PDE4D: variants seen among roughly 807,000 people sequenced by gnomAD.
PDE4D encodes the protein 3',5'-cyclic-AMP phosphodiesterase 4D.
A neutral mutation model predicts 87.4 loss-of-function variants in PDE4D; 24 were observed. The observed-to-expected ratio is 0.27, with a 90% CI of 0.20 to 0.39. PDE4D has a LOEUF of 0.39. Ranked by LOEUF, PDE4D falls within the 10% of genes least tolerant of loss-of-function variation. PDE4D has a pLI of 1.00. For missense variants in PDE4D, 714 were observed against 1,041.0 expected, an observed-to-expected ratio of 0.69 and a Z score of 4.32; for synonymous variants, 384 against 383.2, an observed-to-expected ratio of 1.00 and a Z score of -0.02.
intron 1 of PDE4D, among the ~76,000 whole-genome samples, chr5:60,417,491 T>G (rs1452745582): frequency 2.0e-5 from 3 of 152,220 alleles, no homozygotes; most frequent in Non-Finnish European, 1.5e-5. Flanking sequence ...ACACACTTGT[T>G]TCTCAGAGGA....
intron 1 of PDE4D, among the ~76,000 whole-genome samples, chr5:59,783,551 ACT>A (rs1388743176): frequency 6.6e-6 from 1 of 151,930 alleles, no homozygotes; most frequent in East Asian, 1.9e-4. Context: ...TCATGCTTTC[ACT>A]CTCTTAAACT....
intron 1 of PDE4D, among the ~76,000 whole-genome samples, chr5:59,473,467 T>C (rs1466910006): frequency 6.6e-6 from 1 of 152,138 alleles, no homozygotes; most frequent in Non-Finnish European, 1.5e-5. Flanking sequence ...AGCCACTCCA[T>C]ATAATCCACC....
intron 1 of PDE4D, among the ~76,000 whole-genome samples, chr5:59,892,180 C>T (rs1353497270): frequency 6.6e-6 from 1 of 152,160 alleles, no homozygotes; most frequent in Non-Finnish European, 1.5e-5. Flanking sequence ...CCACATCCAC[C>T]TCCACGCCTG....
intron 1 of PDE4D, among the ~76,000 whole-genome samples, chr5:60,393,879 A>G (rs1431840327): frequency 6.6e-6 from 1 of 152,236 alleles, no homozygotes; most frequent in Non-Finnish European, 1.5e-5. Context: ...ACACTAATTT[A>G]ACTCTCTTAG....
chr5:60,254,695 G>A (rs961880489), intron 1 of PDE4D, among the ~76,000 whole-genome samples: 16 of 151,826 alleles, frequency 1.1e-4, no homozygotes, highest in Admixed American at 3.9e-4. Context: ...TGTTAATAGC[G>A]CAGACTATGT....
intron 2 of PDE4D, among the ~76,000 whole-genome samples, chr5:60,135,630 A>C (rs1779971676): frequency 6.6e-6 from 1 of 152,230 alleles, no homozygotes; most frequent in Non-Finnish European, 1.5e-5. Context: ...ATGCATTTGT[A>C]GAAAGAAGTT....
chr5:59,813,201 T>C (rs1768566412), intron 1 of PDE4D, among the ~76,000 whole-genome samples: 1 of 152,000 alleles, frequency 6.6e-6, no homozygotes, highest in Admixed American at 6.6e-5. Flanking sequence ...AATCAGGGAG[T>C]TTTGGCAAAG....
intron 1 of PDE4D, among the ~76,000 whole-genome samples, chr5:59,554,377 T>C (rs545710649): frequency 3.6e-4 from 55 of 152,152 alleles, no homozygotes; most frequent in Non-Finnish European, 6.9e-4. Flanking sequence ...GGGGAGAAAA[T>C]TGAGGCTTAA....
At position 59,054,628 on chromosome 5, in the gene PDE4D, TATATAGGAAC is replaced by T. The variant is rs548176802; in HGVS notation, c.809-15667_809-15658del. Among the ~76,000 whole-genome samples the T allele has an allele frequency of 3.6e-3, 552 of 152,008 alleles. 1 individual carries two copies. Among genetic ancestry groups the T allele is most frequent in the Admixed American group, 7.3e-3 (111 of 15,268 alleles). On this transcript the variant is annotated intron_variant, in intron 5 of 14. Coordinates refer to ENST00000340635, the MANE Select transcript of PDE4D (RefSeq NM_001104631.2). ...ATATATAAAATAAAAAGGAAATGTA[TATATAGGAAC>T]AGTATATACCATACACATAAGAGTA...
Position 59,056,481 on chromosome 5 carries a change from G to A in PDE4D, c.809-17510C>T, listed in dbSNP as rs139153265. ...AAGTTCTGGGATACATGTGCAGAAC[G>A]TGCAGGTTTATTACATAGGTATACA... On this transcript the variant is annotated intron_variant, in intron 5 of 14. Coordinates refer to ENST00000340635, the MANE Select transcript of PDE4D (RefSeq NM_001104631.2). Among the ~76,000 whole-genome samples, 7 of 152,066 alleles carry A rather than the reference G, an allele frequency of 4.6e-5. No homozygotes were observed. The South Asian group carries it at 1.0e-3, about 23-fold the overall frequency.
In PDE4D at chr5:60,434,888, T is replaced by C. The variant is rs148713309; in HGVS notation, c.-90+53054A>G. On this transcript the variant is annotated intron_variant, in intron 1 of 16. Transcript: ENST00000502484. ...TTGAACCCTGCAAAGAAAATGCTGA[T>C]GGAGATACAGAAATGAAAAAGGGAG... 7.2e-5 allele frequency among the ~76,000 whole-genome samples: 11 copies of C among 152,154 alleles called. No individual in the cohort carries two copies. The East Asian group carries it at 1.5e-3, about 21-fold the overall frequency.
intron 1 of PDE4D, among the ~76,000 whole-genome samples, chr5:59,488,070 G>A (rs1805465123): frequency 6.6e-6 from 1 of 151,000 alleles, no homozygotes. Flanking sequence ...AAGGCTTGGG[G>A]TCTAGGTGCT....
chr5:59,992,141 C>A (rs149541887), intron 2 of PDE4D, among the ~76,000 whole-genome samples: 1 of 152,324 alleles, frequency 6.6e-6, no homozygotes, highest in East Asian at 1.9e-4. Flanking sequence ...AACAGGTGGA[C>A]TCTTGGACCT....
chr5:59,636,178 T>C (rs1310728387), intron 1 of PDE4D, among the ~76,000 whole-genome samples: 1 of 152,260 alleles, frequency 6.6e-6, no homozygotes, highest in Non-Finnish European at 1.5e-5. Flanking sequence ...TTACAAGGGA[T>C]GTGAAGGACC....
chr5:59,613,994 CA>C (rs1322193971), intron 1 of PDE4D, among the ~76,000 whole-genome samples: 5 of 151,818 alleles, frequency 3.3e-5, no homozygotes, highest in Admixed American at 6.6e-5. Flanking sequence ...AATTTTTTTA[CA>C]AAAAAATTTT....
At chr5:59,404,133 C>T (rs1791184285) in intron 1 of PDE4D, among the ~76,000 whole-genome samples, 1 of 152,098 alleles carries the variant, frequency 6.6e-6, no homozygotes. Flanking sequence ...GGTGTTTTGC[C>T]CATTTTTAAT....
intron 2 of PDE4D, among the ~76,000 whole-genome samples, chr5:60,048,427 T>G (rs985279863): frequency 6.6e-6 from 1 of 152,172 alleles, no homozygotes; most frequent in Non-Finnish European, 1.5e-5. Context: ...GCTGGCTATT[T>G]TGCTCGTTAA....
At chr5:59,435,379 C>T (rs540027293) in intron 1 of PDE4D, among the ~76,000 whole-genome samples, 26 of 152,286 alleles carry the variant, frequency 1.7e-4, no homozygotes, top group Admixed American at 3.9e-4. Context: ...CTGTATCAGC[C>T]ACAAATAACA....
chr5:59,760,734 G>GT (rs1210209557), intron 1 of PDE4D, among the ~76,000 whole-genome samples: 1 of 152,138 alleles, frequency 6.6e-6, no homozygotes. Context: ...ATGAATATTA[G>GT]TTTTTAATGG....
Sources: allele counts gnomAD v4.1 joint callset (sites outside exome capture counted in the v4.1 genomes callset), GRCh38; gene constraint gnomAD v4.1.1; transcripts MANE v1.5; gene names NCBI Gene and HGNC (gene_info 2026-07-23, HGNC 2026-07-21).